Variants in DOCK2 observed in about 807,000 individuals in gnomAD.
The protein encoded by DOCK2 is dedicator of cytokinesis 2, also known as dedicator of cytokinesis protein 2.
Under a neutral mutation model 248.9 loss-of-function variants are expected in DOCK2, and 87 were observed. The ratio of observed to expected loss-of-function variants is 0.35; its 90% CI spans 0.29 to 0.42. The LOEUF (loss-of-function observed/expected upper bound fraction) is 0.42, where lower values mean the gene tolerates loss of function less well. DOCK2 is among the 10% of genes least tolerant of loss of function. DOCK2 has a pLI of 1.00. For synonymous variants in DOCK2, 805 were observed against 821.6 expected (o/e 0.98, Z 0.35); for missense variants, 1,747 against 2,300.2 (o/e 0.76, Z 4.92).
chr5:169,923,704 T>C (rs1561827352), intron 27 of DOCK2, among the ~76,000 whole-genome samples: 1 of 152,252 alleles, frequency 6.6e-6, no homozygotes, highest in Non-Finnish European at 1.5e-5. Context: ...TATGCATGTA[T>C]TTTATAAGTT....
chr5:169,741,370 A>G (rs555299423), intron 22 of DOCK2, among the ~76,000 whole-genome samples: 1 of 152,338 alleles, frequency 6.6e-6, no homozygotes, highest in Non-Finnish European at 1.5e-5. Flanking sequence ...AGGATTGGGA[A>G]GTGCAAGGAT....
chr5:170,081,562 G>A (rs1201173829), intron 50 of DOCK2: 1 of 437,290 alleles, frequency 2.3e-6, no homozygotes, highest in Non-Finnish European at 4.1e-6. Context: ...GGAGCAGAAG[G>A]TTCTGTTTCC....
At chr5:169,900,792 G>A (rs990041227) in intron 27 of DOCK2, among the ~76,000 whole-genome samples, 4 of 152,092 alleles carry the variant, frequency 2.6e-5, no homozygotes, top group African/African-American at 9.7e-5. Flanking sequence ...CTTGGTGGTG[G>A]AAAAACTGAA....
At chr5:169,649,700 C>T (rs1757692464) in intron 1 of DOCK2, among the ~76,000 whole-genome samples, 1 of 152,170 alleles carries the variant, frequency 6.6e-6, no homozygotes, top group African/African-American at 2.4e-5. Context: ...TGAGCAAGTT[C>T]CTTAACATCT....
chr5:169,747,964 G>T (rs1763702402), intron 23 of DOCK2, among the ~76,000 whole-genome samples: 1 of 152,202 alleles, frequency 6.6e-6, no homozygotes, highest in African/African-American at 2.4e-5. Flanking sequence ...AAACTGTGAG[G>T]CCTATCCCTG....
intron 15 of DOCK2, among the ~76,000 whole-genome samples, chr5:169,710,901 C>T (rs190218792): frequency 2.0e-4 from 31 of 152,348 alleles, no homozygotes; most frequent in Admixed American, 1.8e-3. Context: ...AGGGCTGTTA[C>T]ACATTGCCCC....
At chr5:169,843,474 A>T (rs1383360788) in intron 27 of DOCK2, among the ~76,000 whole-genome samples, 2 of 152,176 alleles carry the variant, frequency 1.3e-5, no homozygotes, top group Non-Finnish European at 2.9e-5. Context: ...GTGAACCAAG[A>T]TCGCGCCACT....
At chr5:169,759,616 T>C in intron 23 of DOCK2, 89 bp from the exon 24 acceptor site, 1 of 1,400,696 alleles carries the variant, frequency 7.1e-7, no homozygotes, top group South Asian at 1.2e-5. Context: ...CATTCTCCTC[T>C]GATCTGTGTC....
At chr5:169,729,187 G>A (rs1306914918) in intron 22 of DOCK2, among the ~76,000 whole-genome samples, 1 of 152,202 alleles carries the variant, frequency 6.6e-6, no homozygotes, top group Non-Finnish European at 1.5e-5. Flanking sequence ...TACCGGATAA[G>A]AAGGGTCTAG....
chr5:169,853,606 T>C (rs1228535063), intron 27 of DOCK2, among the ~76,000 whole-genome samples: 1 of 151,670 alleles, frequency 6.6e-6, no homozygotes, highest in Non-Finnish European at 1.5e-5. Flanking sequence ...AACAATAAAG[T>C]CATCAAGGAA....
At position 170,079,038 on chromosome 5, in the gene DOCK2, G is replaced by T. The variant is rs138544957; in HGVS notation, c.5058G>T (p.Pro1686=). The change falls in exon 49 of 52, where the codon CCG becomes CCT. Residue 1686 remains proline, a synonymous_variant. Transcript: ENST00000520908. Reference sequence around the variant, plus strand: ...TGGAGCAGGAGGAACCGATCTCCCCGGGGAGCACCCTGCCTGAGGTCAAGC... The same window carrying T: ...TGGAGCAGGAGGAACCGATCTCCCCTGGGAGCACCCTGCCTGAGGTCAAGC... The part of the protein sequence containing the change: ...PRVEQEEPIS[P]GSTLPEVKLR... The T allele has an allele frequency of 3.7e-6, 6 of 1,613,956 alleles. No individual in the cohort carries two copies. In the Admixed American group the frequency reaches 5.0e-5, roughly 13 times the overall value.
At chr5:169,864,316 C>T (rs199958998) in intron 27 of DOCK2, 28 of 1,551,492 alleles carry the variant, frequency 1.8e-5, no homozygotes, top group Middle Eastern at 1.7e-4. Flanking sequence ...CTTGGTTTTC[C>T]GCCTTAAGTC....
At chr5:169,844,658 A>G (rs1481781592) in intron 27 of DOCK2, among the ~76,000 whole-genome samples, 1 of 151,608 alleles carries the variant, frequency 6.6e-6, no homozygotes, top group African/African-American at 2.4e-5. Flanking sequence ...TAACTGTCCT[A>G]GTGGTATTTC....
chr5:169,807,387 C>T (rs993868882), intron 26 of DOCK2, among the ~76,000 whole-genome samples: 1 of 152,160 alleles, frequency 6.6e-6, no homozygotes, highest in African/African-American at 2.4e-5. Context: ...GCTGTTGATG[C>T]TACCAATGTA....
At chr5:169,654,509 A>T in intron 2 of DOCK2, 23 bp downstream of exon 2, 1 of 1,613,676 alleles carries the variant, frequency 6.2e-7, no homozygotes, top group Non-Finnish European at 8.5e-7. Context: ...CCCACGCCCC[A>T]AGTGCTGGAC....
chr5:170,046,339 GT>G (rs1756708790), intron 39 of DOCK2, among the ~76,000 whole-genome samples: 1 of 152,192 alleles, frequency 6.6e-6, no homozygotes, highest in Non-Finnish European at 1.5e-5. Flanking sequence ...TCAGGATTTG[GT>G]GGGGGAAGTG....
chr5:169,742,727 G>C (rs1246333647), intron 22 of DOCK2, among the ~76,000 whole-genome samples: 2 of 152,222 alleles, frequency 1.3e-5, no homozygotes, highest in African/African-American at 4.8e-5. Context: ...CTGCGTGAAA[G>C]AGGTGGTACA....
chr5:169,861,514 A>G (rs1046530607), intron 27 of DOCK2, among the ~76,000 whole-genome samples: 1 of 152,198 alleles, frequency 6.6e-6, no homozygotes, highest in African/African-American at 2.4e-5. Flanking sequence ...ATTTAAGTTG[A>G]TGTATTGGTC....
intron 34 of DOCK2, among the ~76,000 whole-genome samples, chr5:170,032,606 C>T (rs897102120): frequency 6.6e-6 from 1 of 152,156 alleles, no homozygotes; most frequent in African/African-American, 2.4e-5. Context: ...ATTAGGGTGG[C>T]ACACAGGGCT....
Sources: allele counts gnomAD v4.1 joint callset (sites outside exome capture counted in the v4.1 genomes callset), GRCh38; gene constraint gnomAD v4.1.1; transcripts MANE v1.5; gene names NCBI Gene and HGNC (gene_info 2026-07-23, HGNC 2026-07-21).